AAMDC: variants seen among roughly 807,000 people sequenced by gnomAD.
AAMDC encodes mth938 domain-containing protein.
In AAMDC, 16 loss-of-function variants were observed where a neutral mutation model predicts 15.5. That is an observed-to-expected ratio of 1.03 (90% CI 0.70 to 1.57). The LOEUF is 1.57. Among genes scored for constraint, AAMDC ranks in the 40% most tolerant of loss-of-function variants. AAMDC has a pLI of 0.00. For synonymous variants in AAMDC, 51 were observed against 51.6 expected, an observed-to-expected ratio of 0.99 and a Z score of 0.05; for missense variants, 141 against 144.9, an observed-to-expected ratio of 0.97 and a Z score of 0.14.
chr11:77,884,572 C>T (rs376838996), intron 5 of AAMDC, among the ~76,000 whole-genome samples: 70 of 152,284 alleles, frequency 4.6e-4, no homozygotes, highest in African/African-American at 1.6e-3. Flanking sequence ...GAAGCTTATC[C>T]TAGGACTAGG....
intron 2 of AAMDC, chr11:77,866,332 T>C (rs1951106061): frequency 6.6e-6 from 1 of 152,042 alleles, no homozygotes; most frequent in Non-Finnish European, 1.5e-5. Context: ...CCTCTTAAAG[T>C]AGAGGAACAG....
intron 5 of AAMDC, among the ~76,000 whole-genome samples, chr11:77,897,711 T>C (rs998609606): frequency 9.2e-5 from 14 of 151,964 alleles, no homozygotes; most frequent in African/African-American, 3.4e-4. Context: ...TTCACCATGT[T>C]AGCCAGGATG....
chr11:77,888,759 G>A (rs1952129966), intron 5 of AAMDC, among the ~76,000 whole-genome samples: 1 of 152,122 alleles, frequency 6.6e-6, no homozygotes, highest in South Asian at 2.1e-4. Context: ...CAAAAAGTGG[G>A]CAAAGGATAT....
Position 77,832,697 on chromosome 11 carries a change from G to GA in AAMDC, c.-18-9768dup, listed in dbSNP as rs573933665. ...TGTCATGTAGTACCCTCTGTTTTAA[G>GA]AAAAAAAAAAAAAAGTCCTCCTACT... On this transcript the variant is annotated intron_variant, in intron 1 of 3. Transcript: ENST00000393427. Among the ~76,000 whole-genome samples, 608 of 133,304 alleles carry GA rather than the reference G, an allele frequency of 4.6e-3. 5 individuals carry two copies. The highest frequency in any genetic ancestry group is 0.011 in the African/African-American group (418 of 36,700). 87.5% of individuals were successfully genotyped at this position (133,304 alleles called of 152,430 possible).
At chr11:77,842,725 T>C in intron 2 of AAMDC, 97 bp downstream of exon 2, 1 of 1,510,438 alleles carries the variant, frequency 6.6e-7, no homozygotes, top group Non-Finnish European at 9.0e-7. Flanking sequence ...ATTTCTCTTG[T>C]GTCTTTTTGA....
intron 5 of AAMDC, chr11:77,879,169 G>T: frequency 6.2e-7 from 1 of 1,603,204 alleles, no homozygotes. Context: ...CTAGGCAACT[G>T]CTAGGAATGA....
intron 5 of AAMDC, among the ~76,000 whole-genome samples, chr11:77,877,411 TGATCAA>T (rs921673227): frequency 6.6e-6 from 1 of 152,224 alleles, no homozygotes; most frequent in Non-Finnish European, 1.5e-5. Flanking sequence ...GTGTCAAATA[TGATCAA>T]GACTGGCTGC....
intron 5 of AAMDC, chr11:77,894,426 G>C: frequency 2.7e-6 from 2 of 749,142 alleles, no homozygotes; most frequent in Non-Finnish European, 2.2e-6. Context: ...AGAAACCTGA[G>C]CCTAAATTAA....
chr11:77,892,917 G>T (rs760559645), intron 5 of AAMDC, among the ~76,000 whole-genome samples: 1 of 152,156 alleles, frequency 6.6e-6, no homozygotes, highest in African/African-American at 2.4e-5. Context: ...AAGCTAGATG[G>T]TAAGTTTGCT....
intron 5 of AAMDC, among the ~76,000 whole-genome samples, chr11:77,881,363 T>C (rs765705733): frequency 5.9e-5 from 9 of 152,108 alleles, no homozygotes; most frequent in African/African-American, 1.7e-4. Flanking sequence ...TACTGAGGGA[T>C]TGAAGGAGCT....
chr11:77,844,541 TTATAG>T (rs773730910), intron 2 of AAMDC, among the ~76,000 whole-genome samples: 31 of 152,126 alleles, frequency 2.0e-4, no homozygotes, highest in South Asian at 2.1e-4. Flanking sequence ...TTTTTAGTTT[TTATAG>T]AGATGAGGTC....
At chr11:77,833,009 A>ATATATT (rs372585188) in intron 1 of AAMDC, among the ~76,000 whole-genome samples, 3 of 60,036 alleles carry the variant, frequency 5.0e-5, no homozygotes, top group African/African-American at 2.1e-4. Flanking sequence ...ATATATATAT[A>ATATATT]TTTTTTTTTT....
At chr11:77,904,864 A>T (rs1200004808), downstream of AAMDC, among the ~76,000 whole-genome samples, 1 of 152,128 alleles carries the variant, frequency 6.6e-6, no homozygotes, top group Non-Finnish European at 1.5e-5. Context: ...GTTAGGCACA[A>T]CTATTACCAT....
At chr11:77,896,647 C>T (rs1029701114) in intron 5 of AAMDC, among the ~76,000 whole-genome samples, 6 of 130,522 alleles carry the variant, frequency 4.6e-5, no homozygotes, top group African/African-American at 1.5e-4. Flanking sequence ...AGCAAAACTC[C>T]GTCTCAAAAA....
intron 2 of AAMDC, among the ~76,000 whole-genome samples, chr11:77,843,561 C>T (rs138401294): frequency 6.6e-5 from 10 of 152,262 alleles, no homozygotes; most frequent in Admixed American, 1.3e-4. Flanking sequence ...TTTATCTTGA[C>T]GCCTCCACTG....
intron 5 of AAMDC, among the ~76,000 whole-genome samples, chr11:77,898,186 C>G (rs780786369): frequency 1.5e-4 from 23 of 152,052 alleles, no homozygotes; most frequent in Non-Finnish European, 2.4e-4. Context: ...TTATTTGAGA[C>G]AGAGTTTCAC....
At chr11:77,883,523 A>AC (rs2136359490) in intron 5 of AAMDC, among the ~76,000 whole-genome samples, 5 of 152,338 alleles carry the variant, frequency 3.3e-5, no homozygotes, top group Admixed American at 3.3e-4. Flanking sequence ...AGTCGGTGGC[A>AC]GTTAGGATAA....
intron 5 of AAMDC, among the ~76,000 whole-genome samples, chr11:77,893,077 C>T (rs533545936): frequency 2.6e-5 from 4 of 152,212 alleles, no homozygotes; most frequent in Non-Finnish European, 4.4e-5. Context: ...ATGAAACAGA[C>T]TTCATCAGTG....
chr11:77,866,682 C>A (rs1412697258), intron 2 of AAMDC: 4 of 151,622 alleles, frequency 2.6e-5, no homozygotes, highest in Admixed American at 2.6e-4. Flanking sequence ...CCTCTTGTTT[C>A]ATTTTACTAG....
Sources: allele counts gnomAD v4.1 joint callset (sites outside exome capture counted in the v4.1 genomes callset), GRCh38; gene constraint gnomAD v4.1.1; transcripts MANE v1.5; gene names NCBI Gene and HGNC (gene_info 2026-07-23, HGNC 2026-07-21).